The following LAMTOR4 variants were observed in gnomAD, a reference collection of about 807,000 sequenced individuals.
LAMTOR4 encodes ragulator complex protein LAMTOR4.
A neutral mutation model predicts 13.5 loss-of-function variants in LAMTOR4; 11 were observed. The observed-to-expected ratio is 0.82, with a 90% CI of 0.51 to 1.35. The LOEUF is 1.35. Among genes scored for constraint, LAMTOR4 ranks in the 40% most tolerant of loss-of-function variants. The pLI is 0.00. For missense variants in LAMTOR4, 128 were observed against 126.2 expected, an observed-to-expected ratio of 1.01 and a Z score of -0.07; for synonymous variants, 69 against 52.3, an observed-to-expected ratio of 1.32 and a Z score of -1.38.
Position 100,153,905 on chromosome 7 carries a change from G to A in LAMTOR4, c.241G>A (p.Gly81Arg). ...GEHTLLVTVS[G>R]QRVFVVKRQN... is the part of the protein sequence containing the mutation. ...ACACACACTGCTGGTGACGGTGTCAGGACAGAGGGTGTTTGTGGTGAAGAG... is the reference window on the plus strand; with the variant it reads ...ACACACACTGCTGGTGACGGTGTCAAGACAGAGGGTGTTTGTGGTGAAGAG... Residue 81 changes from glycine (G) to arginine (R), a missense_variant, in exon 4 of 4, where the codon GGA becomes AGA. Physicochemically the swap from Gly to Arg is moderately radical, Grantham distance 125. Transcript: ENST00000341942. The A allele has an allele frequency of 6.3e-7, 1 of 1,594,430 alleles. No individual in the cohort carries two copies. Among genetic ancestry groups the A allele is most frequent in the South Asian group, 1.1e-5 (1 of 87,538 alleles).
chr7:100,149,284 CA>C lies in LAMTOR4; in HGVS notation c.4-214del, dbSNP rs995357583. On this transcript the variant is annotated intron_variant, in intron 1 of 3. Transcript: ENST00000341942. ...GTAGCAAAGGTGGGATGTGGAAGGC[CA>C]GGGGAGCCCGGGGGCGAGAGTGGGG... is the stretch of plus-strand genomic sequence containing the variant. The C allele has an allele frequency of 2.8e-5, 17 of 605,102 alleles. No homozygotes were observed. The African/African-American group carries it at 3.1e-4, about 11-fold the overall frequency. 37.5% of individuals were successfully genotyped at this position (605,102 alleles called of 1,614,324 possible). A position where few individuals can be genotyped will look rare whatever the true frequency, so the allele number is the denominator to read the frequency against.
In LAMTOR4 at chr7:100,153,960, T is replaced by C; in HGVS notation, c.296T>C (p.Val99Ala). The change falls in exon 4 of 4, where the codon GTC becomes GCC. Residue 99 changes from valine to alanine, a missense_variant. By Grantham distance (64) the Val-to-Ala change is moderately conservative. Coordinates refer to ENST00000341942, the MANE Select transcript of LAMTOR4 (RefSeq NM_001008395.4). The stretch of plus-strand genomic sequence containing the variant: ...AACCGAGGTCGGGAGCCCATTGATG[T>C]CTGAGCCTGCCGGAGGGCGAGGGTC... ...RQNRGREPID[V>A] 3 of 1,582,772 alleles carry C rather than the reference T, an allele frequency of 1.9e-6. No individual in the cohort carries two copies. Among genetic ancestry groups the C allele is most frequent in the Non-Finnish European group, 2.6e-6 (3 of 1,164,560 alleles).
rs914813285 is a variant in LAMTOR4, at chr7:100,149,148, T to TGTGG, written c.3+175_3+178dup. On this transcript the variant is annotated intron_variant, in intron 1 of 3. Transcript: ENST00000341942. ...GCGACGAGAATGCTGGGGAGGGGTC[T>TGTGG]GTGGGAGGGTGTTCTGGGGCTGCGG... 2.5e-5 allele frequency: 20 copies of TGTGG among 798,246 alleles called. No individual in the cohort carries two copies. In the African/African-American group the frequency reaches 3.1e-4, roughly 13 times the overall value. The allele number at this position is 798,246 out of a possible 1,614,324, so 49.4% of individuals were successfully genotyped here. A position where few individuals can be genotyped will look rare whatever the true frequency, so the allele number is the denominator to read the frequency against.
chr7:100,149,751 C>G, intron 2 of LAMTOR4, 172 bp downstream of exon 2: 1 of 553,124 alleles, frequency 1.8e-6, no homozygotes, highest in South Asian at 2.3e-5. Flanking sequence ...TCTGTGGAAT[C>G]TTAGTCTCCT....
At chr7:100,149,379 G>A in intron 1 of LAMTOR4, 120 bp from the exon 2 acceptor site, 1 of 745,592 alleles carries the variant, frequency 1.3e-6, no homozygotes, top group Non-Finnish European at 2.4e-6. Flanking sequence ...AAGGGACCTG[G>A]CTGGGGAATG....
At chr7:100,153,539 T>A (rs756025539) in intron 3 of LAMTOR4, 22 bp downstream of exon 3, 219 of 1,590,412 alleles carry the variant, frequency 1.4e-4, no homozygotes, top group Non-Finnish European at 1.8e-4. Flanking sequence ...CCCCTGCCCT[T>A]GGTGGTGGTA....
chr7:100,153,362 G>A lies in LAMTOR4; in HGVS notation c.85-38G>A, dbSNP rs781146567. The A allele has an allele frequency of 4.2e-5, 60 of 1,430,040 alleles. No homozygotes were observed. In the Middle Eastern group the frequency reaches 9.1e-4, roughly 22 times the overall value. 88.6% of individuals were successfully genotyped at this position (1,430,040 alleles called of 1,614,324 possible). ...TGGAATTCCTTCCTGAGCCTGTGCCGTAATGCCCGCCCCTCTCCCTCCTCC... is the reference window on the plus strand; with the variant it reads ...TGGAATTCCTTCCTGAGCCTGTGCCATAATGCCCGCCCCTCTCCCTCCTCC... On this transcript the variant is annotated intron_variant, in intron 2 of 3. Transcript: ENST00000341942.
In LAMTOR4 at chr7:100,153,644, C is replaced by T. The variant is rs956174312; in HGVS notation, c.202+127C>T. 3.4e-6 allele frequency: 3 copies of T among 874,260 alleles called. No homozygotes were observed. In the Admixed American group the frequency reaches 5.4e-5, roughly 16 times the overall value. The allele number at this position is 874,260 out of a possible 1,614,324, so 54.2% of individuals were successfully genotyped here. ...GTCTCTGGTCTGGCCACTTTCCTCC[C>T]TTTGGGACTCCCTGGTATCAGAATT... On this transcript the variant is annotated intron_variant, in intron 3 of 3. Transcript: ENST00000341942.
chr7:100,149,574 C>G lies in LAMTOR4; in HGVS notation c.79C>G (p.Leu27Val), dbSNP rs749852338. Residue 27 changes from leucine to valine, a missense_variant, in exon 2 of 4, where the codon CTG (leucine) becomes GTG (valine). Transcript: ENST00000341942. The stretch of plus-strand genomic sequence containing the variant: ...CCTGGTACTGAGTGAAGGTGCAGTG[C>G]TGGCGGTGCGTTCTGGGAAAGGGAG... ...GYLVLSEGAV[L>V]ASSGDLENDE... The G allele has an allele frequency of 1.2e-6, 2 of 1,613,438 alleles. No homozygotes were observed. Among genetic ancestry groups the G allele is most frequent in the African/African-American group, 1.3e-5 (1 of 74,864 alleles).
chr7:100,152,045 ATGAC>A (rs1464885647), intron 2 of LAMTOR4, among the ~76,000 whole-genome samples: 2 of 152,154 alleles, frequency 1.3e-5, no homozygotes, highest in Non-Finnish European at 2.9e-5. Context: ...TATCTTGCTA[ATGAC>A]TAGAAATAGG....
At position 100,154,148 on chromosome 7, in the gene LAMTOR4, G is replaced by GA. The variant is rs371148319; in HGVS notation, c.*185dup. 5.1e-5 allele frequency: 30 copies of GA among 586,078 alleles called. No homozygotes were observed. The African/African-American group carries it at 5.4e-4, about 11-fold the overall frequency. 36.3% of individuals were successfully genotyped at this position (586,078 alleles called of 1,614,324 possible). On this transcript the variant is annotated 3_prime_UTR_variant, in exon 4 of 4. Transcript: ENST00000341942. ...CTGTGTTAAGGAGAACAAGGGCAAG[G>GA]AGACCTCCCTTTGTGCTCCCTCACT...
intron 2 of LAMTOR4, among the ~76,000 whole-genome samples, chr7:100,150,253 A>T (rs549736363): frequency 6.6e-6 from 1 of 152,294 alleles, no homozygotes; most frequent in East Asian, 1.9e-4. Context: ...GATGTTTTTG[A>T]CTTAGGTAGA....
intron 1 of LAMTOR4, chr7:100,149,268 G>T: frequency 1.6e-6 from 1 of 608,600 alleles, no homozygotes. Context: ...GGTAGCAAAG[G>T]TGGGATGTGG....
intron 2 of LAMTOR4, among the ~76,000 whole-genome samples, chr7:100,150,167 G>C: frequency 1.3e-5 from 2 of 152,110 alleles, no homozygotes; most frequent in Non-Finnish European, 2.9e-5. Context: ...GAGCCACCAC[G>C]TCTGGCCTTT....
chr7:100,154,073 C>G lies in LAMTOR4; in HGVS notation c.*109C>G. Reference sequence around the variant, plus strand: ...GCTGCTAGAACTAGGGCCTTCTGCTCGCCCACCTCCCACCCCTACCTGGAC... The same window carrying G: ...GCTGCTAGAACTAGGGCCTTCTGCTGGCCCACCTCCCACCCCTACCTGGAC... On this transcript the variant is annotated 3_prime_UTR_variant, in exon 4 of 4. Transcript: ENST00000341942. The G allele has an allele frequency of 1.2e-6, 1 of 803,576 alleles. No homozygotes were observed. Among genetic ancestry groups the G allele is most frequent in the Non-Finnish European group, 2.1e-6 (1 of 477,710 alleles). The allele number at this position is 803,576 out of a possible 1,614,324, so 49.8% of individuals were successfully genotyped here.
At position 100,153,469 on chromosome 7, in the gene LAMTOR4, G is replaced by T; in HGVS notation, c.154G>T (p.Gly52Cys). The change falls in exon 3 of 4, where the codon GGT becomes TGT. Residue 52 changes from glycine to cysteine, a missense_variant. Gly to Cys is a radical substitution (Grantham distance 159, BLOSUM62 -3). Transcript: ENST00000341942. The part of the protein sequence containing the change: ...AISELVSTAC[G>C]FRLHRGMNVP... ...CTCTGAGCTGGTCAGCACAGCCTGC[G>T]GTTTCCGGCTGCACCGCGGCATGAA... The T allele has an allele frequency of 6.2e-7, 1 of 1,610,184 alleles. No homozygotes were observed. The highest frequency in any genetic ancestry group is 8.5e-7 in the Non-Finnish European group (1 of 1,179,992).
chr7:100,154,110 TG>T lies in LAMTOR4; in HGVS notation c.*150del, dbSNP rs371077731. Reference sequence around the variant, plus strand: ...ACCCCTACCTGGACGGGCCCAGGCTTGGGGACTCTGAGCTGTGTTAAGGAGA... The same window carrying T: ...ACCCCTACCTGGACGGGCCCAGGCTTGGGACTCTGAGCTGTGTTAAGGAGA... On this transcript the variant is annotated 3_prime_UTR_variant, in exon 4 of 4. Transcript: ENST00000341942. 228 of 658,462 alleles carry T rather than the reference TG, an allele frequency of 3.5e-4. No individual in the cohort carries two copies. Among genetic ancestry groups the T allele is most frequent in the African/African-American group, 3.0e-3 (171 of 56,198 alleles). 40.8% of individuals were successfully genotyped at this position (658,462 alleles called of 1,614,324 possible). A position where few individuals can be genotyped will look rare whatever the true frequency, so the allele number is the denominator to read the frequency against.
At chr7:100,149,600 GGGGTCCCTTAGT>G in intron 2 of LAMTOR4, 21 bp downstream of exon 2, 8 of 1,593,890 alleles carry the variant, frequency 5.0e-6, no homozygotes, top group Non-Finnish European at 6.0e-6. Context: ...GGAAAGGGAG[GGGGTCCCTTAGT>G]GCACACAGCC....
Position 100,153,397 on chromosome 7 carries a change from C to A in LAMTOR4, c.85-3C>A. 1 of 1,601,062 alleles carries A rather than the reference C, an allele frequency of 6.2e-7. No individual in the cohort carries two copies. Among genetic ancestry groups the A allele is most frequent in the Non-Finnish European group, 8.5e-7 (1 of 1,170,566 alleles). On this transcript the variant is annotated splice_region_variant and splice_polypyrimidine_tract_variant and intron_variant, in intron 2 of 3. Coordinates refer to ENST00000341942, the MANE Select transcript of LAMTOR4 (RefSeq NM_001008395.4). ...CCCCTCTCCCTCCTCCGTCTGCATG[C>A]AGTCATCTGGGGACCTGGAGAATGA...
Sources: allele counts gnomAD v4.1 joint callset (sites outside exome capture counted in the v4.1 genomes callset), GRCh38; gene constraint gnomAD v4.1.1; transcripts MANE v1.5; gene names NCBI Gene and HGNC (gene_info 2026-07-23, HGNC 2026-07-21).